TMEM178B: variants seen among roughly 807,000 people sequenced by gnomAD.
The protein encoded by TMEM178B is transmembrane protein 178B.
In TMEM178B, 5 loss-of-function variants were observed where a neutral mutation model predicts 31.0. That is an observed-to-expected ratio of 0.16 (90% CI 0.08 to 0.34). The LOEUF (loss-of-function observed/expected upper bound fraction) is 0.34. TMEM178B is among the 10% of genes least tolerant of loss of function. The probability of loss-of-function intolerance (pLI) is 1.00; values close to 1 mark genes in which losing one functional copy is unlikely to be tolerated. For synonymous variants in TMEM178B, 164 were observed against 164.0 expected (o/e 1.00, Z 0.00); for missense variants, 275 against 400.3 (o/e 0.69, Z 2.67).
chr7:141,102,805 G>A lies in TMEM178B; in HGVS notation c.382+28113G>A, dbSNP rs150816413. Among the ~76,000 whole-genome samples the A allele has an allele frequency of 4.5e-4, 69 of 152,350 alleles. No homozygotes were observed. In the Middle Eastern group the frequency reaches 0.017, roughly 38 times the overall value. Reference sequence around the variant, plus strand: ...TGCACAGTGTTTTTGAAGCTTAGGAGCATTTCCACTGATCATGGTTCCTTT... The same window carrying A: ...TGCACAGTGTTTTTGAAGCTTAGGAACATTTCCACTGATCATGGTTCCTTT... On this transcript the variant is annotated intron_variant, in intron 1 of 3. Transcript: ENST00000565468.
At chr7:141,369,247 A>T (rs780812103) in intron 2 of TMEM178B, among the ~76,000 whole-genome samples, 26 of 151,874 alleles carry the variant, frequency 1.7e-4, no homozygotes, top group Admixed American at 2.6e-4. Context: ...GATACTACCT[A>T]GTATAATTTC....
chr7:141,139,106 A>C (rs1795725334), intron 1 of TMEM178B, among the ~76,000 whole-genome samples: 1 of 152,254 alleles, frequency 6.6e-6, no homozygotes. Flanking sequence ...TATGGACGCC[A>C]AAGTTAAACT....
chr7:141,076,403 G>A (rs973553462), intron 1 of TMEM178B, among the ~76,000 whole-genome samples: 1 of 152,234 alleles, frequency 6.6e-6, no homozygotes, highest in East Asian at 1.9e-4. Context: ...AACACTGGGA[G>A]AATTTGTTGA....
chr7:141,266,548 GGT>G (rs1197308293), intron 2 of TMEM178B, among the ~76,000 whole-genome samples: 2 of 152,150 alleles, frequency 1.3e-5, no homozygotes, highest in African/African-American at 4.8e-5. Flanking sequence ...GAGTAACAAA[GGT>G]GTGGTTCCTG....
At chr7:141,206,764 TTGCTCTCCCTGTTTTGCTGTTAA>T (rs1030959832) in intron 1 of TMEM178B, among the ~76,000 whole-genome samples, 2 of 152,178 alleles carry the variant, frequency 1.3e-5, no homozygotes, top group African/African-American at 4.8e-5. Context: ...GCTTTGTAAA[TTGCTCTCCCTGTTTTGCTGTTAA>T]TGTAGTAAGG....
At chr7:141,088,591 A>G (rs1001381618) in intron 1 of TMEM178B, among the ~76,000 whole-genome samples, 2 of 152,172 alleles carry the variant, frequency 1.3e-5, no homozygotes, top group East Asian at 1.9e-4. Context: ...CCATCTGAGC[A>G]TCTTGCCTAT....
chr7:141,099,048 T>C (rs1795010646), intron 1 of TMEM178B, among the ~76,000 whole-genome samples: 1 of 152,214 alleles, frequency 6.6e-6, no homozygotes, highest in African/African-American at 2.4e-5. Flanking sequence ...CTAAAGCCAA[T>C]TAGACCATAC....
At chr7:141,349,307 A>T (rs1240805804) in intron 2 of TMEM178B, among the ~76,000 whole-genome samples, 5 of 152,198 alleles carry the variant, frequency 3.3e-5, no homozygotes. Flanking sequence ...TTATATGCAC[A>T]TTAGTCATGG....
chr7:141,285,356 C>A (rs1798432724), intron 2 of TMEM178B, among the ~76,000 whole-genome samples: 1 of 150,936 alleles, frequency 6.6e-6, no homozygotes, highest in African/African-American at 2.4e-5. Flanking sequence ...GACAGGGTTT[C>A]ACTGTGTTAG....
chr7:141,438,986 C>G (rs1801607241), intron 3 of TMEM178B, among the ~76,000 whole-genome samples: 1 of 152,066 alleles, frequency 6.6e-6, no homozygotes, highest in African/African-American at 2.4e-5. Flanking sequence ...AGCAAACACC[C>G]AACTCAGGTC....
chr7:141,459,488 A>G (rs1216823117), intron 3 of TMEM178B, among the ~76,000 whole-genome samples: 1 of 152,194 alleles, frequency 6.6e-6, no homozygotes. Flanking sequence ...CAAACAGAGG[A>G]TAGGAGGTGC....
chr7:141,210,600 A>G (rs1478980611), intron 1 of TMEM178B, among the ~76,000 whole-genome samples: 1 of 152,200 alleles, frequency 6.6e-6, no homozygotes, highest in Non-Finnish European at 1.5e-5. Context: ...TCCAGAACCC[A>G]TAAATAGGTT....
chr7:141,229,049 G>A (rs1797392814), intron 2 of TMEM178B, among the ~76,000 whole-genome samples: 1 of 137,882 alleles, frequency 7.3e-6, no homozygotes, highest in African/African-American at 2.7e-5. Context: ...TGTGGGGGTG[G>A]AATTTGATTA....
chr7:141,172,545 CTG>C (rs1796365216), intron 1 of TMEM178B, among the ~76,000 whole-genome samples: 2 of 152,290 alleles, frequency 1.3e-5, no homozygotes, highest in South Asian at 4.1e-4. Flanking sequence ...GCAAGTGGTG[CTG>C]TGTCTAGCAT....
At chr7:141,199,707 C>T (rs1230727677) in intron 1 of TMEM178B, among the ~76,000 whole-genome samples, 1 of 151,942 alleles carries the variant, frequency 6.6e-6, no homozygotes, top group Non-Finnish European at 1.5e-5. Flanking sequence ...TTGCCTCAGC[C>T]TCCAAGAAGC....
chr7:141,087,505 A>G (rs1247748591), intron 1 of TMEM178B, among the ~76,000 whole-genome samples: 1 of 151,318 alleles, frequency 6.6e-6, no homozygotes, highest in Non-Finnish European at 1.5e-5. Context: ...CTTTAAATAG[A>G]TAGAGCACTG....
chr7:141,156,935 G>A (rs949981281), intron 1 of TMEM178B, among the ~76,000 whole-genome samples: 5 of 152,158 alleles, frequency 3.3e-5, no homozygotes, highest in African/African-American at 1.2e-4. Context: ...TGTAACCAGG[G>A]GATGTTTCAG....
At chr7:141,395,714 G>A (rs188266129) in intron 2 of TMEM178B, among the ~76,000 whole-genome samples, 44 of 152,200 alleles carry the variant, frequency 2.9e-4, no homozygotes, top group Admixed American at 4.6e-4. Flanking sequence ...TGGCAAATCA[G>A]CACTGTATAT....
At chr7:141,131,110 T>C (rs547772442) in intron 1 of TMEM178B, among the ~76,000 whole-genome samples, 3 of 152,278 alleles carry the variant, frequency 2.0e-5, no homozygotes, top group African/African-American at 7.2e-5. Context: ...TTCTGAAAGA[T>C]TATTTGTGAC....
Sources: gnomAD v4.1 joint callset for allele counts (sites outside exome capture counted in the v4.1 genomes callset) on GRCh38, gnomAD v4.1.1 for gene constraint, MANE v1.5 for transcripts, NCBI Gene and HGNC (gene_info 2026-07-23, HGNC 2026-07-21) for gene names.